CLCC1: variants seen among roughly 807,000 people sequenced by gnomAD.
The protein encoded by CLCC1 is chloride channel CLIC-like protein 1.
In CLCC1, 39 loss-of-function variants were observed where a neutral mutation model predicts 63.3. That is an observed-to-expected ratio of 0.62 (90% confidence interval 0.48 to 0.81). CLCC1 has a LOEUF of 0.81. Among genes scored for constraint, CLCC1 ranks in the 30% least tolerant of loss-of-function variants. The pLI, the probability that CLCC1 is intolerant of heterozygous loss-of-function variation, is 0.00. For missense variants in CLCC1, 549 were observed against 669.4 expected (o/e 0.82, Z 1.98); for synonymous variants, 217 against 239.8 (o/e 0.90, Z 0.88).
In CLCC1 at chr1:108,962,005, C is replaced by G. The variant is rs549585907; in HGVS notation, c.-12+304G>C. Among the ~76,000 whole-genome samples, 4 of 152,282 alleles carry G rather than the reference C, an allele frequency of 2.6e-5. No homozygotes were observed. The East Asian group carries it at 5.8e-4, about 22-fold the overall frequency. On this transcript the variant is annotated intron_variant, in intron 2 of 12. Transcript: ENST00000369969. ...CACAAAGTAACTTGCCTAAGACCAC[C>G]AAGCTAGTAAGTGGTAGAACCCAGA...
rs1211010838 is a variant in CLCC1, at chr1:108,931,385, A to T, written c.*1162T>A. ...CTGTAGCAAAAGACAAGTATGGGAC[A>T]GACTGGGACCTGGAGTAACACTGGA... is the stretch of plus-strand genomic sequence containing the variant. On this transcript the variant is annotated 3_prime_UTR_variant, in exon 13 of 13. Coordinates refer to ENST00000369969, the MANE Select transcript of CLCC1 (RefSeq NM_001377458.1). The T allele has an allele frequency of 1.9e-6, 3 of 1,551,104 alleles. No homozygotes were observed. The highest frequency in any genetic ancestry group is 1.7e-6 in the Non-Finnish European group (2 of 1,147,152).
intron 2 of CLCC1, among the ~76,000 whole-genome samples, chr1:108,952,155 T>A (rs749610766): frequency 1.5e-5 from 2 of 137,432 alleles, no homozygotes; most frequent in Non-Finnish European, 3.1e-5. Context: ...AACAGGTATT[T>A]TAACGAATCT....
chr1:108,933,778 TAAGG>T (rs1388567048), intron 12 of CLCC1: 1 of 152,242 alleles, frequency 6.6e-6, no homozygotes, highest in Non-Finnish European at 1.5e-5. Flanking sequence ...TGTCTGCAGT[TAAGG>T]AAGACACCCA....
rs1651973701 is a variant in CLCC1 at position 108,931,529 on chromosome 1, G to GTCAT, written c.*1014_*1017dup. On this transcript the variant is annotated 3_prime_UTR_variant, in exon 13 of 13. Coordinates refer to ENST00000369969, the MANE Select transcript of CLCC1 (RefSeq NM_001377458.1). The stretch of plus-strand genomic sequence containing the variant: ...ATGTGGACCCCTATTCTTTCAAAAA[G>GTCAT]TCATTCAGGTGATTTGGATGGGCAA... 1 of 1,514,376 alleles carries GTCAT rather than the reference G, an allele frequency of 6.6e-7. No homozygotes were observed. The highest frequency in any genetic ancestry group is 1.4e-5 in the African/African-American group (1 of 71,264). 93.8% of individuals were successfully genotyped at this position (1,514,376 alleles called of 1,614,324 possible).
Position 108,948,164 on chromosome 1 carries a change from T to C in CLCC1, c.232-446A>G, listed in dbSNP as rs571870139. Among the ~76,000 whole-genome samples, 31 of 152,290 alleles carry C rather than the reference T, an allele frequency of 2.0e-4. 1 individual carries two copies. In the East Asian group the frequency reaches 5.8e-3, roughly 28 times the overall value. ...ACAGAAACAAGATGAAGCCAGACGATGAAATGAAGGACACAACAGAGTATT... is the reference window on the plus strand; with the variant it reads ...ACAGAAACAAGATGAAGCCAGACGACGAAATGAAGGACACAACAGAGTATT... On this transcript the variant is annotated intron_variant, in intron 4 of 12. Transcript: ENST00000369969.
intron 5 of CLCC1, among the ~76,000 whole-genome samples, chr1:108,945,593 G>A (rs751037222): frequency 7.9e-5 from 12 of 152,060 alleles, no homozygotes; most frequent in Admixed American, 2.0e-4. Flanking sequence ...TCATAAATAC[G>A]GAATCTGTGA....
In CLCC1 at chr1:108,937,197, C is replaced by G; in HGVS notation, c.1263G>C (p.Glu421Asp). The stretch of plus-strand genomic sequence containing the variant: ...AGTCAACATCTCTCTCTCTCAAAAT[C>G]TCTCTTCTACCCTCATACGTTTTGG... ...PYAKTYEGRR[E>D]ILRERDVDLR... The change falls in exon 11 of 13, where the codon GAG (glutamate) becomes GAC (aspartate). Residue 421 changes from glutamate (E) to aspartate (D), a missense_variant. Physicochemically the swap from Glu to Asp is conservative, Grantham distance 45 (BLOSUM62 2). Transcript: ENST00000369969. The G allele has an allele frequency of 6.3e-7, 1 of 1,599,370 alleles. No individual in the cohort carries two copies. Among genetic ancestry groups the G allele is most frequent in the Non-Finnish European group, 8.5e-7 (1 of 1,174,066 alleles).
intron 10 of CLCC1, among the ~76,000 whole-genome samples, chr1:108,937,983 A>G (rs1048899938): frequency 3.3e-5 from 5 of 152,176 alleles, no homozygotes; most frequent in East Asian, 1.9e-4. Flanking sequence ...AAAACTTTTC[A>G]TAATACAAAG....
rs1199686099 is a variant in CLCC1, at chr1:108,932,440, TCAA to T, written c.*104_*106del. ...GTCTTTCCTGAATTGCTGTCATCATTCAACAACAGTTGCATGTCGCCTTGCTAG... is the reference window on the plus strand; with the variant it reads ...GTCTTTCCTGAATTGCTGTCATCATTCAACAGTTGCATGTCGCCTTGCTAG... On this transcript the variant is annotated 3_prime_UTR_variant, in exon 13 of 13. Coordinates refer to ENST00000369969, the MANE Select transcript of CLCC1 (RefSeq NM_001377458.1). 1 of 152,212 alleles carries T rather than the reference TCAA, an allele frequency of 6.6e-6. No homozygotes were observed. Among genetic ancestry groups the T allele is most frequent in the Non-Finnish European group, 1.5e-5 (1 of 68,032 alleles). The allele number at this position is 152,212 out of a possible 1,614,324, so 9.4% of individuals were successfully genotyped here.
rs1199663834 is a variant in CLCC1 at position 108,931,255 on chromosome 1, A to C, written c.*1292T>G. On this transcript the variant is annotated 3_prime_UTR_variant, in exon 13 of 13. Coordinates refer to ENST00000369969, the MANE Select transcript of CLCC1 (RefSeq NM_001377458.1). Reference sequence around the variant, plus strand: ...TGAAAACTCACAAAAATTAAATATGAAAGAAAGATGTCAGCTAGAACCTTA... The same window carrying C: ...TGAAAACTCACAAAAATTAAATATGCAAGAAAGATGTCAGCTAGAACCTTA... The C allele has an allele frequency of 4.2e-6, 6 of 1,442,712 alleles. No individual in the cohort carries two copies. The allele number at this position is 1,442,712 out of a possible 1,614,324, so 89.4% of individuals were successfully genotyped here.
At chr1:108,958,041 G>C (rs1214330312) in intron 2 of CLCC1, among the ~76,000 whole-genome samples, 1 of 151,320 alleles carries the variant, frequency 6.6e-6, no homozygotes, top group Admixed American at 6.6e-5. Flanking sequence ...AGAAAGGAGA[G>C]AGCAGACAAA....
At chr1:108,947,123 G>A (rs953240465) in intron 5 of CLCC1, among the ~76,000 whole-genome samples, 2 of 151,834 alleles carry the variant, frequency 1.3e-5, no homozygotes, top group Admixed American at 6.6e-5. Context: ...AAGATTGCAC[G>A]ACGGTACTCC....
Position 108,931,548 on chromosome 1 carries a change from T to C in CLCC1, c.*999A>G. The C allele has an allele frequency of 6.7e-7, 1 of 1,500,800 alleles. No homozygotes were observed. The highest frequency in any genetic ancestry group is 1.3e-5 in the South Asian group (1 of 77,924). 93.0% of individuals were successfully genotyped at this position (1,500,800 alleles called of 1,614,324 possible). On this transcript the variant is annotated 3_prime_UTR_variant, in exon 13 of 13. Coordinates refer to ENST00000369969, the MANE Select transcript of CLCC1 (RefSeq NM_001377458.1). ...CAAAAAGTCATTCAGGTGATTTGGA[T>C]GGGCAAATAGAACTATTTCTCTAAT...
chr1:108,935,490 G>A (rs934713234), intron 11 of CLCC1, among the ~76,000 whole-genome samples: 6 of 152,164 alleles, frequency 3.9e-5, no homozygotes, highest in Admixed American at 3.3e-4. Flanking sequence ...GATATGGTTA[G>A]GCATGGTGGC....
At chr1:108,950,233 C>T (rs560771226) in intron 3 of CLCC1, 76 bp downstream of exon 3, 3 of 1,424,566 alleles carry the variant, frequency 2.1e-6, no homozygotes, top group African/African-American at 2.9e-5. Flanking sequence ...TAGCTCTGTG[C>T]AAAACAACAG....
intron 7 of CLCC1, among the ~76,000 whole-genome samples, chr1:108,942,584 T>C (rs1653986795): frequency 6.6e-6 from 1 of 152,220 alleles, no homozygotes; most frequent in South Asian, 2.1e-4. Flanking sequence ...TTATGCTATG[T>C]TGATGGGAAC....
intron 10 of CLCC1, among the ~76,000 whole-genome samples, chr1:108,939,138 TTAATAC>T (rs1557892344): frequency 1.3e-5 from 2 of 148,286 alleles, no homozygotes; most frequent in East Asian, 1.9e-4. Flanking sequence ...ATTACTAATA[TTAATAC>T]TAAGATTTAA....
At position 108,950,056 on chromosome 1, in the gene CLCC1, CA is replaced by C. The variant is rs531839111; in HGVS notation, c.130-136del. 2.2e-3 allele frequency: 1,423 copies of C among 659,706 alleles called. 13 individuals are homozygous for C. Among genetic ancestry groups the C allele is most frequent in the African/African-American group, 0.017 (901 of 52,420 alleles). 40.9% of individuals were successfully genotyped at this position (659,706 alleles called of 1,614,324 possible). A position where few individuals can be genotyped will look rare whatever the true frequency, so the allele number is the denominator to read the frequency against. ...TATATTCTTAAATTGTACTGAACCACAAAAAAAAAGTTTCAAATGTACACAC... is the reference window on the plus strand; with the variant it reads ...TATATTCTTAAATTGTACTGAACCACAAAAAAAAGTTTCAAATGTACACAC... On this transcript the variant is annotated intron_variant, in intron 3 of 12. Coordinates refer to ENST00000369969, the MANE Select transcript of CLCC1 (RefSeq NM_001377458.1).
intron 2 of CLCC1, among the ~76,000 whole-genome samples, chr1:108,956,601 C>T (rs1571082283): frequency 1.3e-5 from 2 of 148,588 alleles, no homozygotes; most frequent in East Asian, 3.9e-4. Context: ...GCGGAAGTTG[C>T]AGTGAGGCGA....
Sources: gnomAD v4.1 joint callset for allele counts (sites outside exome capture counted in the v4.1 genomes callset) on GRCh38, gnomAD v4.1.1 for gene constraint, MANE v1.5 for transcripts, NCBI Gene and HGNC (gene_info 2026-07-23, HGNC 2026-07-21) for gene names.